KCNN2: variants seen among roughly 807,000 people sequenced by gnomAD.
KCNN2 encodes the protein potassium calcium-activated channel subfamily N member 2.
A neutral mutation model predicts 55.5 loss-of-function variants in KCNN2; 24 were observed. That is an observed-to-expected ratio of 0.43 (90% confidence interval 0.31 to 0.61). The LOEUF is 0.61. Ranked by LOEUF, KCNN2 falls within the 20% of genes least tolerant of loss-of-function variation. KCNN2 has a pLI of 0.08. For missense variants in KCNN2, 754 were observed against 853.6 expected (o/e 0.88, Z 1.45); for synonymous variants, 431 against 336.1 (o/e 1.28, Z -3.09).
chr5:114,303,956 C>T (rs1361344774), intron 2 of KCNN2, among the ~76,000 whole-genome samples: 1 of 152,168 alleles, frequency 6.6e-6, no homozygotes, highest in African/African-American at 2.4e-5. Flanking sequence ...AAATTTGTGA[C>T]TTGCCCTTGG....
At chr5:114,225,138 A>C (rs1478682682) in intron 2 of KCNN2, among the ~76,000 whole-genome samples, 1 of 152,236 alleles carries the variant, frequency 6.6e-6, no homozygotes, top group African/African-American at 2.4e-5. Flanking sequence ...GAAAGGATGT[A>C]GTATCTATAA....
intron 1 of KCNN2, among the ~76,000 whole-genome samples, chr5:114,134,754 C>T (rs1159755651): frequency 2.0e-5 from 3 of 152,094 alleles, no homozygotes; most frequent in East Asian, 1.9e-4. Flanking sequence ...GAATTACAGG[C>T]GTGAGCCACC....
chr5:114,154,706 A>T (rs901308327), intron 1 of KCNN2, among the ~76,000 whole-genome samples: 1 of 152,054 alleles, frequency 6.6e-6, no homozygotes, highest in Admixed American at 6.6e-5. Flanking sequence ...GGTTCCTTTG[A>T]GCTGGTCAAC....
chr5:114,076,561 G>A (rs183695856), intron 1 of KCNN2, among the ~76,000 whole-genome samples: 413 of 152,210 alleles, frequency 2.7e-3, no homozygotes, highest in Non-Finnish European at 2.5e-3. Flanking sequence ...GTCAGATCTG[G>A]GATCAGAACA....
chr5:114,108,120 C>A (rs369994191), intron 1 of KCNN2, among the ~76,000 whole-genome samples: 7 of 151,880 alleles, frequency 4.6e-5, no homozygotes, highest in Non-Finnish European at 7.4e-5. Flanking sequence ...GAAAGCCTCT[C>A]TAGGACAGTG....
intron 2 of KCNN2, among the ~76,000 whole-genome samples, chr5:114,316,336 G>A (rs1262307430): frequency 6.6e-6 from 1 of 152,114 alleles, no homozygotes; most frequent in Non-Finnish European, 1.5e-5. Context: ...AAAGGTCACT[G>A]GAGCCCCCTC....
chr5:114,209,039 G>T (rs573872911), intron 1 of KCNN2, among the ~76,000 whole-genome samples: 1 of 149,562 alleles, frequency 6.7e-6, no homozygotes, highest in East Asian at 2.0e-4. Context: ...TGCTTCTCTT[G>T]ATACACTGTT....
At chr5:114,204,940 C>A (rs1160439486) in intron 1 of KCNN2, among the ~76,000 whole-genome samples, 1 of 152,210 alleles carries the variant, frequency 6.6e-6, no homozygotes, top group Non-Finnish European at 1.5e-5. Context: ...AAGAGACTCA[C>A]TTTTCAAACA....
chr5:114,058,092 A>G (rs900220575), intron 1 of KCNN2, among the ~76,000 whole-genome samples: 3 of 152,236 alleles, frequency 2.0e-5, no homozygotes, highest in Admixed American at 1.3e-4. Context: ...TCGACAGAAG[A>G]CATGCATGTG....
intron 2 of KCNN2, among the ~76,000 whole-genome samples, chr5:114,366,363 A>G (rs1757602919): frequency 1.3e-5 from 2 of 152,224 alleles, no homozygotes; most frequent in Admixed American, 1.3e-4. Context: ...TAAACCCACT[A>G]TACTTAAGAT....
intron 1 of KCNN2, among the ~76,000 whole-genome samples, chr5:114,162,758 G>A (rs1752815964): frequency 6.6e-6 from 1 of 152,114 alleles, no homozygotes; most frequent in African/African-American, 2.4e-5. Flanking sequence ...AGTCTGCTGT[G>A]CTAGCAATGA....
intron 1 of KCNN2, among the ~76,000 whole-genome samples, chr5:114,101,894 A>G (rs1751380963): frequency 6.6e-6 from 1 of 152,166 alleles, no homozygotes; most frequent in Non-Finnish European, 1.5e-5. Flanking sequence ...CAATAAAGAT[A>G]CGTGTGCATG....
intron 2 of KCNN2, among the ~76,000 whole-genome samples, chr5:114,367,931 C>G (rs73782212): frequency 0.085 from 12,984 of 152,126 alleles, 781 homozygotes; most frequent in African/African-American, 0.18. Flanking sequence ...TCTCATGGGT[C>G]CTGGAAGAAT....
intron 3 of KCNN2, among the ~76,000 whole-genome samples, chr5:114,412,565 C>T (rs575534921): frequency 6.6e-6 from 1 of 152,256 alleles, no homozygotes; most frequent in South Asian, 2.1e-4. Context: ...GAAAGTTTCA[C>T]TTGTTCTATT....
chr5:114,332,373 C>G lies in KCNN2; in HGVS notation c.-184-28572C>G, dbSNP rs182297350. 2.0e-5 allele frequency among the ~76,000 whole-genome samples: 3 copies of G among 152,274 alleles called. No homozygotes were observed. In the East Asian group the frequency reaches 5.8e-4, roughly 29 times the overall value. The stretch of plus-strand genomic sequence containing the variant: ...GAGAACTCCCCTCCAATAACCCCAA[C>G]CCTTGCAAGGTACTAGAACCAAGTG... On this transcript the variant is annotated intron_variant, in intron 2 of 10. Transcript: ENST00000512097.
intron 2 of KCNN2, among the ~76,000 whole-genome samples, chr5:114,389,532 G>C (rs115157013): frequency 1.6e-4 from 24 of 152,234 alleles, no homozygotes; most frequent in Admixed American, 3.3e-4. Context: ...TTTTATATGA[G>C]TTAATACACA....
intron 1 of KCNN2, among the ~76,000 whole-genome samples, chr5:114,217,661 A>G: frequency 6.6e-6 from 1 of 152,178 alleles, no homozygotes; most frequent in East Asian, 1.9e-4. Flanking sequence ...AGGAGATGAC[A>G]TAGGACAAAT....
intron 3 of KCNN2, among the ~76,000 whole-genome samples, chr5:114,434,720 T>C (rs1246064471): frequency 6.6e-6 from 1 of 152,166 alleles, no homozygotes; most frequent in Non-Finnish European, 1.5e-5. Flanking sequence ...GCTGTGACTT[T>C]CATCAGTGCT....
At chr5:114,208,278 G>A (rs980685079) in intron 1 of KCNN2, among the ~76,000 whole-genome samples, 4 of 152,068 alleles carry the variant, frequency 2.6e-5, no homozygotes, top group Non-Finnish European at 5.9e-5. Context: ...CACTCTTAGC[G>A]GTAATCAGTC....
Sources: allele counts gnomAD v4.1 joint callset (sites outside exome capture counted in the v4.1 genomes callset), GRCh38; gene constraint gnomAD v4.1.1; transcripts MANE v1.5; gene names NCBI Gene and HGNC (gene_info 2026-07-23, HGNC 2026-07-21).